Variants in MAP3K4 observed in about 807,000 individuals in gnomAD.
The protein encoded by MAP3K4 is MAP three kinase 1.
Under a neutral mutation model 185.6 loss-of-function variants are expected in MAP3K4, and 67 were observed. The ratio of observed to expected loss-of-function variants is 0.36; its 90% confidence interval spans 0.30 to 0.44. The LOEUF is 0.44. MAP3K4 is among the 20% of genes least tolerant of loss of function. The pLI, the probability that MAP3K4 is intolerant of heterozygous loss-of-function variation, is 1.00. For synonymous variants in MAP3K4, 702 were observed against 710.4 expected, an observed-to-expected ratio of 0.99 and a Z score of 0.19; for missense variants, 1,551 against 1,995.1, an observed-to-expected ratio of 0.78 and a Z score of 4.24.
At position 161,098,468 on chromosome 6, in the gene MAP3K4, T is replaced by C. The variant is rs752339287; in HGVS notation, c.3674+41T>C. 4 of 1,579,946 alleles carry C rather than the reference T, an allele frequency of 2.5e-6. No individual in the cohort carries two copies. Among genetic ancestry groups the C allele is most frequent in the Middle Eastern group, 1.7e-4 (1 of 5,910 alleles). On this transcript the variant is annotated intron_variant, in intron 17 of 26. Coordinates refer to ENST00000392142, the MANE Select transcript of MAP3K4 (RefSeq NM_005922.4). The surrounding 1 kb of genome is among the most constrained non-coding windows in gnomAD (Gnocchi z 4.4). ...CAGTGTCCCGTACCCTCACCACCCC[T>C]TACATGCGCTTACACAGCAACCATA... is the stretch of plus-strand genomic sequence containing the variant.
rs755068149 is a variant in MAP3K4, at chr6:161,102,755, C to G, written c.3832C>G (p.Arg1278Gly). 1 of 1,580,730 alleles carries G rather than the reference C, an allele frequency of 6.3e-7. No individual in the cohort carries two copies. The highest frequency in any genetic ancestry group is 1.4e-5 in the African/African-American group (1 of 72,014). ...GTCCACAAGAAGAAGTTGGGAACTT[C>G]GGACACTAATCAGCCAGAGTAAAGG... Reference protein sequence around the residue: ...SGSTRRSWELRTLISQSKDTA... With the variant: ...SGSTRRSWELGTLISQSKDTA... Residue 1278 changes from arginine to glycine, a missense_variant, in exon 19 of 27, where the codon CGG (arginine) becomes GGG (glycine). Coordinates refer to ENST00000392142, the MANE Select transcript of MAP3K4 (RefSeq NM_005922.4).
At position 161,008,953 on chromosome 6, in the gene MAP3K4, A is replaced by G. The variant is rs1397707882; in HGVS notation, c.152+16870A>G. Among the ~76,000 whole-genome samples, 2 of 150,628 alleles carry G rather than the reference A, an allele frequency of 1.3e-5. No homozygotes were observed. The highest frequency in any genetic ancestry group is 4.9e-5 in the African/African-American group (2 of 40,984). Reference sequence around the variant, plus strand: ...ATGTTTATACCCATTGTATAAATGTATCATGGCATATTCATTTTTTTAAAC... The same window carrying G: ...ATGTTTATACCCATTGTATAAATGTGTCATGGCATATTCATTTTTTTAAAC... On this transcript the variant is annotated intron_variant, in intron 1 of 26. Transcript: ENST00000392142. This position sits in a 1 kb window ranked among gnomAD's most constrained non-coding sequence, Gnocchi z 4.1.
chr6:161,115,312 A>T lies in MAP3K4; in HGVS notation c.4806+10A>T. The stretch of plus-strand genomic sequence containing the variant: ...CCATTCGTTTGTCAAGGTTTGGCAG[A>T]TTACTGGATAGTCTTTTTCATGTTT... On this transcript the variant is annotated intron_variant, in intron 26 of 26. Transcript: ENST00000392142. This position sits in a 1 kb window ranked among gnomAD's most constrained non-coding sequence, Gnocchi z 6.0. 6.2e-7 allele frequency: 1 copy of T among 1,603,892 alleles called. No individual in the cohort carries two copies. The highest frequency in any genetic ancestry group is 8.5e-7 in the Non-Finnish European group (1 of 1,173,590).
At position 161,097,456 on chromosome 6, in the gene MAP3K4, T is replaced by A. The variant is rs995511300; in HGVS notation, c.3524+280T>A. 1.3e-5 allele frequency among the ~76,000 whole-genome samples: 2 copies of A among 152,224 alleles called. No homozygotes were observed. Among genetic ancestry groups the A allele is most frequent in the African/African-American group, 4.8e-5 (2 of 41,460 alleles). On this transcript the variant is annotated intron_variant, in intron 16 of 26. Transcript: ENST00000392142. This position sits in a 1 kb window ranked among gnomAD's most constrained non-coding sequence, Gnocchi z 4.9. The stretch of plus-strand genomic sequence containing the variant: ...TTCTGGCTGTGGAGTCATTTTTTCC[T>A]TTCCTGCCTTTGAAAAATAACCTTC...
In MAP3K4 at chr6:161,077,701, G is replaced by A. The variant is rs1420196995; in HGVS notation, c.2098-3180G>A. ...GGAAACGTAGGCAGTGAAATGGCAGGACTCGGGTGGATCAAATGTGAACAA... is the reference window on the plus strand; with the variant it reads ...GGAAACGTAGGCAGTGAAATGGCAGAACTCGGGTGGATCAAATGTGAACAA... On this transcript the variant is annotated intron_variant, in intron 5 of 26. Transcript: ENST00000392142. The surrounding 1 kb of genome is among the most constrained non-coding windows in gnomAD (Gnocchi z 4.3). Among the ~76,000 whole-genome samples the A allele has an allele frequency of 6.6e-6, 1 of 152,210 alleles. No homozygotes were observed. The highest frequency in any genetic ancestry group is 1.5e-5 in the Non-Finnish European group (1 of 68,034).
chr6:161,098,566 C>A lies in MAP3K4; in HGVS notation c.3674+139C>A. 1.0e-6 allele frequency: 1 copy of A among 962,710 alleles called. No homozygotes were observed. Among genetic ancestry groups the A allele is most frequent in the Non-Finnish European group, 1.5e-6 (1 of 679,382 alleles). The allele number at this position is 962,710 out of a possible 1,614,324, so 59.6% of individuals were successfully genotyped here. ...GTGAGTGATGCTCTAGGGCCTTCCG[C>A]AGGTTGTCACGGCCCAGAGGCTCTG... is the stretch of plus-strand genomic sequence containing the variant. On this transcript the variant is annotated intron_variant, in intron 17 of 26. Transcript: ENST00000392142. This position sits in a 1 kb window ranked among gnomAD's most constrained non-coding sequence, Gnocchi z 4.4.
intron 7 of MAP3K4, among the ~76,000 whole-genome samples, chr6:161,085,965 C>T (rs566051726): frequency 3.9e-5 from 6 of 152,270 alleles, no homozygotes; most frequent in East Asian, 1.9e-4. Context: ...CCACAGAAAT[C>T]GGCATGCATT....
chr6:161,078,800 A>C (rs1239657411), intron 5 of MAP3K4, among the ~76,000 whole-genome samples: 1 of 152,212 alleles, frequency 6.6e-6, no homozygotes, highest in Non-Finnish European at 1.5e-5. Flanking sequence ...GGCCGATTAG[A>C]AGTCCATAGG....
chr6:161,005,699 A>G (rs1246311076), intron 1 of MAP3K4, among the ~76,000 whole-genome samples: 1 of 152,260 alleles, frequency 6.6e-6, no homozygotes, highest in Admixed American at 6.5e-5. Flanking sequence ...ATTAATAAAC[A>G]TGTATAAGTT....
At chr6:161,019,494 G>C (rs945862922) in intron 1 of MAP3K4, among the ~76,000 whole-genome samples, 1 of 152,078 alleles carries the variant, frequency 6.6e-6, no homozygotes, top group South Asian at 2.1e-4. Flanking sequence ...TGCAACCTCC[G>C]CCTCCCAGTT....
At chr6:161,047,355 A>T in intron 2 of MAP3K4, among the ~76,000 whole-genome samples, 1 of 151,332 alleles carries the variant, frequency 6.6e-6, no homozygotes, top group East Asian at 1.9e-4. Context: ...CGGGAGGATC[A>T]CTCGAGCCCA....
Position 161,103,799 on chromosome 6 carries a change from A to C in MAP3K4, c.3856+1020A>C, listed in dbSNP as rs1348994197. ...GGCAGATTGGTTAAAATGCCATTGCAGAAATTCAGTATAAATAATACGATA... is the reference window on the plus strand; with the variant it reads ...GGCAGATTGGTTAAAATGCCATTGCCGAAATTCAGTATAAATAATACGATA... On this transcript the variant is annotated intron_variant, in intron 19 of 26. Transcript: ENST00000392142. This position sits in a 1 kb window ranked among gnomAD's most constrained non-coding sequence, Gnocchi z 4.6. 6.6e-6 allele frequency among the ~76,000 whole-genome samples: 1 copy of C among 152,216 alleles called. No individual in the cohort carries two copies. The highest frequency in any genetic ancestry group is 1.5e-5 in the Non-Finnish European group (1 of 68,044).
rs1783245184 is a variant in MAP3K4 at position 161,037,752 on chromosome 6, T to C, written c.343+3303T>C. Among the ~76,000 whole-genome samples the C allele has an allele frequency of 6.6e-6, 1 of 152,180 alleles. No homozygotes were observed. The highest frequency in any genetic ancestry group is 1.5e-5 in the Non-Finnish European group (1 of 68,036). On this transcript the variant is annotated intron_variant, in intron 2 of 26. Coordinates refer to ENST00000392142, the MANE Select transcript of MAP3K4 (RefSeq NM_005922.4). The surrounding 1 kb of genome is among the most constrained non-coding windows in gnomAD (Gnocchi z 4.2). ...GGATTTCTTCCCAACACTTACTACT[T>C]TTTTTCTTGACTTAAATCTTAAAGC...
rs111945133 is a variant in MAP3K4 at position 161,013,531 on chromosome 6, G to C, written c.153-20728G>C. On this transcript the variant is annotated intron_variant, in intron 1 of 26. Transcript: ENST00000392142. ...GAAATAATTTCAGATTCATTTTCTAGGAAAATAATTGATGCAGGGCAGGTG... is the reference window on the plus strand; with the variant it reads ...GAAATAATTTCAGATTCATTTTCTACGAAAATAATTGATGCAGGGCAGGTG... Among the ~76,000 whole-genome samples the C allele has an allele frequency of 3.2e-3, 485 of 152,272 alleles. 4 individuals are homozygous for C. Among genetic ancestry groups the C allele is most frequent in the African/African-American group, 0.011 (465 of 41,530 alleles).
intron 1 of MAP3K4, among the ~76,000 whole-genome samples, chr6:161,028,964 C>T (rs1194138476): frequency 2.0e-5 from 3 of 152,136 alleles, no homozygotes; most frequent in African/African-American, 7.2e-5. Context: ...AACATACAAC[C>T]TCAAACTGAG....
intron 1 of MAP3K4, among the ~76,000 whole-genome samples, chr6:161,001,627 C>T (rs998196663): frequency 6.6e-6 from 1 of 152,164 alleles, no homozygotes; most frequent in African/African-American, 2.4e-5. Flanking sequence ...ATTCCTGGCT[C>T]GTTGCCTAAC....
Position 161,107,103 on chromosome 6 carries a change from C to G in MAP3K4, c.4048+398C>G, listed in dbSNP as rs1301734800. ...ACGCAGAACGTGATTTGAAGAGAGACTGGATACAAATGAGGGCAAGACAGT... is the reference window on the plus strand; with the variant it reads ...ACGCAGAACGTGATTTGAAGAGAGAGTGGATACAAATGAGGGCAAGACAGT... On this transcript the variant is annotated intron_variant, in intron 20 of 26. Transcript: ENST00000392142. This position sits in a 1 kb window ranked among gnomAD's most constrained non-coding sequence, Gnocchi z 6.2. 6.6e-6 allele frequency among the ~76,000 whole-genome samples: 1 copy of G among 151,542 alleles called. No homozygotes were observed. The highest frequency in any genetic ancestry group is 2.4e-5 in the African/African-American group (1 of 41,100).
Position 161,115,044 on chromosome 6 carries a change from C to A in MAP3K4, c.4627-79C>A. ...CCTGATATATATTAATGATGAGATG[C>A]TTAAAAACAGACTGAACATTTGCGT... On this transcript the variant is annotated intron_variant, in intron 25 of 26. Transcript: ENST00000392142. The surrounding 1 kb of genome is among the most constrained non-coding windows in gnomAD (Gnocchi z 6.0). 7.7e-7 allele frequency: 1 copy of A among 1,305,976 alleles called. No individual in the cohort carries two copies. Among genetic ancestry groups the A allele is most frequent in the Non-Finnish European group, 1.1e-6 (1 of 933,530 alleles). The allele number at this position is 1,305,976 out of a possible 1,614,324, so 80.9% of individuals were successfully genotyped here.
chr6:161,052,137 C>T (rs1198768863), intron 3 of MAP3K4, among the ~76,000 whole-genome samples: 3 of 152,214 alleles, frequency 2.0e-5, no homozygotes, highest in South Asian at 2.1e-4. Context: ...TTGGACATGT[C>T]GGGCTTCCGT....
Sources: gnomAD v4.1 joint callset for allele counts (sites outside exome capture counted in the v4.1 genomes callset) on GRCh38, gnomAD v4.1.1 for gene constraint, Gnocchi (gnomAD v3.1) non-coding constraint, MANE v1.5 for transcripts, NCBI Gene and HGNC (gene_info 2026-07-23, HGNC 2026-07-21) for gene names.